SPAG16: variants seen among roughly 807,000 people sequenced by gnomAD.
The protein encoded by SPAG16 is sperm-associated antigen 16 protein.
In SPAG16, 86 loss-of-function variants were observed where a neutral mutation model predicts 80.4. The ratio of observed to expected loss-of-function variants is 1.07; its 90% confidence interval spans 0.90 to 1.28. SPAG16 has a LOEUF of 1.28. SPAG16 is among the 50% of genes most tolerant of loss of function. The pLI is 0.00. For missense variants in SPAG16, 870 were observed against 765.3 expected (o/e 1.14, Z -1.61); for synonymous variants, 294 against 265.9 (o/e 1.11, Z -1.03).
chr2:213,816,852 A>C (rs1480381284), intron 10 of SPAG16, among the ~76,000 whole-genome samples: 3 of 152,046 alleles, frequency 2.0e-5, no homozygotes, highest in Non-Finnish European at 2.9e-5. Context: ...TGTAGTTGTC[A>C]GTATTCCACC....
chr2:213,355,382 T>C (rs1257424980), intron 7 of SPAG16, among the ~76,000 whole-genome samples: 3 of 17,258 alleles, frequency 1.7e-4, no homozygotes, highest in Non-Finnish European at 3.0e-4. Context: ...TTAAAGTAGT[T>C]TTCTCTAACT....
intron 12 of SPAG16, among the ~76,000 whole-genome samples, chr2:213,975,169 A>G (rs1211921996): frequency 6.6e-6 from 1 of 151,080 alleles, no homozygotes; most frequent in Non-Finnish European, 1.5e-5. Context: ...TGTATATTAA[A>G]CAGATTATAT....
At chr2:213,928,443 A>G (rs745487221) in intron 11 of SPAG16, among the ~76,000 whole-genome samples, 2 of 151,982 alleles carry the variant, frequency 1.3e-5, no homozygotes, top group Non-Finnish European at 2.9e-5. Context: ...TATATAATCC[A>G]CCTTCTCTCC....
intron 10 of SPAG16, among the ~76,000 whole-genome samples, chr2:213,681,641 A>G (rs2064389485): frequency 6.6e-6 from 1 of 152,184 alleles, no homozygotes; most frequent in Non-Finnish European, 1.5e-5. Context: ...ACATAACAAA[A>G]CATGGCTAAA....
rs181087246 is a variant in SPAG16 at position 213,887,818 on chromosome 2, C to T, written c.1214+25190C>T. On this transcript the variant is annotated intron_variant, in intron 11 of 15. Transcript: ENST00000331683. ...AGGAAATATTGATTATAGATATTAA[C>T]GGATGGTAGAGTTTGTTATGTATTA... Among the ~76,000 whole-genome samples the T allele has an allele frequency of 1.6e-4, 25 of 151,676 alleles. No individual in the cohort carries two copies. In the East Asian group the frequency reaches 1.7e-3, roughly 11 times the overall value.
intron 12 of SPAG16, among the ~76,000 whole-genome samples, chr2:213,936,062 G>C (rs12471409): frequency 6.6e-6 from 1 of 152,110 alleles, no homozygotes; most frequent in African/African-American, 2.4e-5. Context: ...TAAACAGGAA[G>C]GTCGAGAAAA....
intron 10 of SPAG16, among the ~76,000 whole-genome samples, chr2:213,713,181 G>A (rs967459136): frequency 6.6e-6 from 1 of 152,136 alleles, no homozygotes; most frequent in African/African-American, 2.4e-5. Context: ...CCCCCAACAC[G>A]TAGGGATTAT....
At position 214,149,221 on chromosome 2, in the gene SPAG16, G is replaced by A. The variant is rs774991704; in HGVS notation, c.1675G>A (p.Asp559Asn). ...GAAGCTGTTACCAATTGTGTCCATC[G>A]ATATAGGTCCAAGTCCTGGCAATGA... The part of the protein sequence containing the change: ...FRKLLPIVSI[D>N]IGPSPGNEVN... The change falls in exon 15 of 16, where the codon GAT becomes AAT. Residue 559 changes from aspartate to asparagine, a missense_variant. Asp to Asn is a conservative substitution (Grantham distance 23). Coordinates refer to ENST00000331683, the MANE Select transcript of SPAG16 (RefSeq NM_024532.5). 2 of 1,598,346 alleles carry A rather than the reference G, an allele frequency of 1.3e-6. No individual in the cohort carries two copies. Among genetic ancestry groups the A allele is most frequent in the Non-Finnish European group, 1.7e-6 (2 of 1,171,996 alleles).
chr2:214,261,482 A>G (rs868839073), intron 15 of SPAG16, among the ~76,000 whole-genome samples: 2 of 152,174 alleles, frequency 1.3e-5, no homozygotes, highest in Admixed American at 6.5e-5. Flanking sequence ...TTGCTTTCTG[A>G]AAGTGTGGAT....
chr2:214,384,792 G>A (rs984730145), intron 15 of SPAG16, among the ~76,000 whole-genome samples: 1 of 152,172 alleles, frequency 6.6e-6, no homozygotes, highest in African/African-American at 2.4e-5. Context: ...TGGCAATGTA[G>A]AAGAATAACT....
intron 15 of SPAG16, among the ~76,000 whole-genome samples, chr2:214,160,295 G>A (rs1464159506): frequency 1.3e-5 from 2 of 151,662 alleles, no homozygotes; most frequent in African/African-American, 2.4e-5. Flanking sequence ...CTGCTTTTTT[G>A]TTTTATCCTT....
At chr2:214,021,433 A>G (rs1252079147) in intron 13 of SPAG16, among the ~76,000 whole-genome samples, 2 of 152,142 alleles carry the variant, frequency 1.3e-5, no homozygotes, top group Non-Finnish European at 2.9e-5. Flanking sequence ...GGCAAGAAAG[A>G]GACGCTTGTG....
chr2:214,083,347 C>T (rs1259593197), intron 13 of SPAG16, among the ~76,000 whole-genome samples: 1 of 152,106 alleles, frequency 6.6e-6, no homozygotes, highest in Admixed American at 6.5e-5. Context: ...TTATTCCTCT[C>T]CTGAGTTAAG....
At chr2:214,162,473 G>T (rs78778415) in intron 15 of SPAG16, among the ~76,000 whole-genome samples, 3,181 of 152,144 alleles carry the variant, frequency 0.021, 210 homozygotes, top group Admixed American at 0.12. Flanking sequence ...TTACAGGGAA[G>T]AAGTAAGTAC....
intron 14 of SPAG16, among the ~76,000 whole-genome samples, chr2:214,134,831 C>T (rs1478936256): frequency 6.6e-6 from 1 of 152,158 alleles, no homozygotes; most frequent in Non-Finnish European, 1.5e-5. Context: ...ATTTACATTC[C>T]TCAGTGTGAG....
chr2:213,974,191 T>C (rs1187341585), intron 12 of SPAG16, among the ~76,000 whole-genome samples: 1 of 152,110 alleles, frequency 6.6e-6, no homozygotes, highest in Non-Finnish European at 1.5e-5. Context: ...TAGTTCTGTC[T>C]CTTATTTAAA....
intron 15 of SPAG16, among the ~76,000 whole-genome samples, chr2:214,166,369 G>A (rs1442582893): frequency 6.6e-6 from 1 of 152,140 alleles, no homozygotes; most frequent in Non-Finnish European, 1.5e-5. Flanking sequence ...ACAGGAGAGT[G>A]AAGGGCAGGA....
chr2:214,083,687 A>T (rs1002393554), intron 13 of SPAG16, among the ~76,000 whole-genome samples: 1 of 152,114 alleles, frequency 6.6e-6, no homozygotes. Flanking sequence ...TTAAAAAATA[A>T]ATTCAAGTTT....
At chr2:213,628,540 T>C (rs2062036865) in intron 10 of SPAG16, among the ~76,000 whole-genome samples, 1 of 152,256 alleles carries the variant, frequency 6.6e-6, no homozygotes. Context: ...AATTATTAAG[T>C]GACTAATGTC....
Sources: gnomAD v4.1 joint callset for allele counts (sites outside exome capture counted in the v4.1 genomes callset) on GRCh38, gnomAD v4.1.1 for gene constraint, MANE v1.5 for transcripts, NCBI Gene and HGNC (gene_info 2026-07-23, HGNC 2026-07-21) for gene names.